The following CCDC149 variants were observed in gnomAD, a reference collection of about 807,000 sequenced individuals.
CCDC149 encodes the protein coiled-coil domain-containing protein 149.
CCDC149 carries 45 observed loss-of-function variants against 59.9 expected under a neutral mutation model. The observed-to-expected ratio is 0.75, with a 90% CI of 0.59 to 0.96. The LOEUF (loss-of-function observed/expected upper bound fraction) is 0.96, where lower values mean the gene tolerates loss of function less well. Ranked by LOEUF, CCDC149 falls within the 40% of genes least tolerant of loss-of-function variation. The pLI, the probability that CCDC149 is intolerant of heterozygous loss-of-function variation, is 0.00. For missense variants in CCDC149, 584 were observed against 664.7 expected, an observed-to-expected ratio of 0.88 and a Z score of 1.33; for synonymous variants, 245 against 260.6, an observed-to-expected ratio of 0.94 and a Z score of 0.58.
intron 4 of CCDC149, among the ~76,000 whole-genome samples, chr4:24,845,323 C>T (rs1049999836): frequency 2.6e-5 from 4 of 152,204 alleles, no homozygotes; most frequent in East Asian, 1.9e-4. Flanking sequence ...CACGCACATG[C>T]GCAGAGGGCC....
intron 1 of CCDC149, among the ~76,000 whole-genome samples, chr4:24,936,884 G>A (rs1722799391): frequency 6.6e-6 from 1 of 152,234 alleles, no homozygotes; most frequent in Non-Finnish European, 1.5e-5. Context: ...GGTGTTGGAG[G>A]TAGTGAGATC....
At chr4:24,872,594 A>G (rs1024690403) in intron 3 of CCDC149, among the ~76,000 whole-genome samples, 2 of 151,840 alleles carry the variant, frequency 1.3e-5, no homozygotes, top group African/African-American at 2.4e-5. Context: ...AATGGTATGT[A>G]CCCACTGAAC....
At chr4:24,970,433 C>T (rs945141554) in intron 1 of CCDC149, among the ~76,000 whole-genome samples, 2 of 152,186 alleles carry the variant, frequency 1.3e-5, no homozygotes, top group Non-Finnish European at 2.9e-5. Context: ...CACCCACCCC[C>T]TGGCTAGCCT....
intron 1 of CCDC149, among the ~76,000 whole-genome samples, chr4:24,938,590 G>A (rs1445644866): frequency 6.6e-6 from 1 of 152,206 alleles, no homozygotes; most frequent in African/African-American, 2.4e-5. Flanking sequence ...CCGAAGCAGG[G>A]CGAGGAATCA....
intron 1 of CCDC149, among the ~76,000 whole-genome samples, chr4:24,878,078 C>G (rs1719580706): frequency 6.6e-6 from 1 of 152,134 alleles, no homozygotes; most frequent in South Asian, 2.1e-4. Context: ...TCCCATTCCA[C>G]TGGAGTCAAT....
Position 24,820,162 on chromosome 4 carries a change from G to GCA in CCDC149, c.1076-189_1076-188dup, listed in dbSNP as rs369360752. 2.0e-3 allele frequency: 1,040 copies of GCA among 524,096 alleles called. 6 individuals carry two copies. Among genetic ancestry groups the GCA allele is most frequent in the African/African-American group, 0.013 (691 of 51,426 alleles). 32.5% of individuals were successfully genotyped at this position (524,096 alleles called of 1,614,324 possible). On this transcript the variant is annotated intron_variant, in intron 11 of 12. Coordinates refer to ENST00000635206, the MANE Select transcript of CCDC149 (RefSeq NM_001330643.2). ...TTGCACCACCCTAGCCCTAACCCTT[G>GCA]CACACACACACACACAAAATCCTTA...
intron 12 of CCDC149, among the ~76,000 whole-genome samples, chr4:24,814,018 T>G (rs918820602): frequency 1.3e-5 from 2 of 152,216 alleles, no homozygotes; most frequent in African/African-American, 2.4e-5. Context: ...CTAATTCTCC[T>G]GATATAAATT....
At chr4:24,934,892 G>T (rs1560261591) in intron 1 of CCDC149, among the ~76,000 whole-genome samples, 1 of 152,216 alleles carries the variant, frequency 6.6e-6, no homozygotes, top group African/African-American at 2.4e-5. Context: ...GAGACAGAGA[G>T]GTAGTCAGAT....
chr4:24,866,844 C>CAT (rs397778765), intron 3 of CCDC149, among the ~76,000 whole-genome samples: 1 of 148,716 alleles, frequency 6.7e-6, no homozygotes, highest in Non-Finnish European at 1.5e-5. Context: ...CACACACACA[C>CAT]GTGCATATAT....
At chr4:24,973,892 C>T (rs1326643909) in intron 1 of CCDC149, among the ~76,000 whole-genome samples, 1 of 152,238 alleles carries the variant, frequency 6.6e-6, no homozygotes, top group South Asian at 2.1e-4. Context: ...AGCTGCCTGC[C>T]TTAAGGCAAG....
rs183595710 is a variant in CCDC149, at chr4:24,837,918, C to T, written c.489+238G>A. Among the ~76,000 whole-genome samples the T allele has an allele frequency of 1.9e-3, 293 of 152,296 alleles. No individual in the cohort carries two copies. The highest frequency in any genetic ancestry group is 6.5e-3 in the African/African-American group (270 of 41,572). ...CCCTGTCTATCCTGGCTAGGAGGAA[C>T]GTTTCTTGTTGTGTTCAGAACAATG... is the stretch of plus-strand genomic sequence containing the variant. On this transcript the variant is annotated intron_variant, in intron 5 of 12. Coordinates refer to ENST00000635206, the MANE Select transcript of CCDC149 (RefSeq NM_001330643.2). The surrounding 1 kb of genome is among the most constrained non-coding windows in gnomAD (Gnocchi z 4.3).
At chr4:24,936,901 G>A (rs1159252023) in intron 1 of CCDC149, among the ~76,000 whole-genome samples, 2 of 152,236 alleles carry the variant, frequency 1.3e-5, no homozygotes, top group Non-Finnish European at 2.9e-5. Context: ...GATCAGTCCC[G>A]AAGGTCTCTT....
At chr4:24,821,278 T>A (rs1381861800) in intron 10 of CCDC149, among the ~76,000 whole-genome samples, 191 bp from the exon 11 acceptor site, 9 of 150,190 alleles carry the variant, frequency 6.0e-5, no homozygotes, top group South Asian at 2.1e-4. Flanking sequence ...AAAAAAAAAA[T>A]AAAAACCCCC....
chr4:24,978,885 C>T (rs1724335665), intron 1 of CCDC149, among the ~76,000 whole-genome samples: 1 of 152,180 alleles, frequency 6.6e-6, no homozygotes, highest in Non-Finnish European at 1.5e-5. Context: ...TAGGATTTCT[C>T]AATAGGATGA....
intron 1 of CCDC149, among the ~76,000 whole-genome samples, chr4:24,941,880 G>T (rs1722961744): frequency 6.6e-6 from 1 of 152,114 alleles, no homozygotes; most frequent in South Asian, 2.1e-4. Context: ...CCAATAACAG[G>T]CTCTGAAATT....
At position 24,883,814 on chromosome 4, in the gene CCDC149, G is replaced by A. The variant is rs182427068; in HGVS notation, c.64-7117C>T. On this transcript the variant is annotated intron_variant, in intron 1 of 12. Coordinates refer to ENST00000635206, the MANE Select transcript of CCDC149 (RefSeq NM_001330643.2). ...CACTCTGACAGGTGGGACAAGAACC[G>A]CTTTCCCCATTTTATGGGCAAAATA... is the stretch of plus-strand genomic sequence containing the variant. 9.9e-4 allele frequency among the ~76,000 whole-genome samples: 150 copies of A among 152,238 alleles called. 1 individual carries two copies. Among genetic ancestry groups the A allele is most frequent in the African/African-American group, 3.5e-3 (144 of 41,544 alleles).
intron 4 of CCDC149, among the ~76,000 whole-genome samples, chr4:24,839,057 CACACA>C (rs1716751256): frequency 7.0e-6 from 1 of 143,048 alleles, no homozygotes. Flanking sequence ...CACACACACA[CACACA>C]GAGAGAGAGA....
At chr4:24,961,600 A>G (rs1294242028) in intron 1 of CCDC149, among the ~76,000 whole-genome samples, 1 of 152,242 alleles carries the variant, frequency 6.6e-6, no homozygotes, top group African/African-American at 2.4e-5. Context: ...TGGTACTGGT[A>G]CCAAAACAGA....
intron 4 of CCDC149, among the ~76,000 whole-genome samples, chr4:24,847,285 T>C (rs1364430425): frequency 2.0e-5 from 3 of 152,322 alleles, no homozygotes; most frequent in Admixed American, 6.5e-5. Context: ...ACAGCAACAC[T>C]TACCCTCTGT....
Sources: allele counts gnomAD v4.1 joint callset (sites outside exome capture counted in the v4.1 genomes callset), GRCh38; gene constraint gnomAD v4.1.1; non-coding constraint Gnocchi (gnomAD v3.1); transcripts MANE v1.5; gene names NCBI Gene and HGNC (gene_info 2026-07-23, HGNC 2026-07-21).